RIMS1: variants seen among roughly 807,000 people sequenced by gnomAD.
The protein encoded by RIMS1 is regulating synaptic membrane exocytosis 1, also known as regulating synaptic membrane exocytosis protein 1.
Under a neutral mutation model 214.1 loss-of-function variants are expected in RIMS1, and 83 were observed. That is an observed-to-expected ratio of 0.39 (90% confidence interval 0.32 to 0.47). RIMS1 has a LOEUF of 0.47. Among genes scored for constraint, RIMS1 ranks in the 20% least tolerant of loss-of-function variants. The pLI is 0.99. For synonymous variants in RIMS1, 793 were observed against 786.8 expected, an observed-to-expected ratio of 1.01 and a Z score of -0.13; for missense variants, 2,050 against 2,161.8, an observed-to-expected ratio of 0.95 and a Z score of 1.03.
intron 1 of RIMS1, among the ~76,000 whole-genome samples, chr6:71,891,345 A>T (rs564367483): frequency 6.6e-6 from 1 of 152,222 alleles, no homozygotes; most frequent in Non-Finnish European, 1.5e-5. Flanking sequence ...TGATTTATAA[A>T]GAGTATTGAC....
intron 4 of RIMS1, among the ~76,000 whole-genome samples, chr6:72,165,295 G>C (rs1260380935): frequency 6.6e-6 from 1 of 152,098 alleles, no homozygotes; most frequent in Admixed American, 6.5e-5. Context: ...TTAATGTTTA[G>C]TTTTAGTTCT....
At position 72,391,064 on chromosome 6, in the gene RIMS1, A is replaced by G. The variant is rs534949701; in HGVS notation, c.4505+328A>G. Among the ~76,000 whole-genome samples the G allele has an allele frequency of 2.6e-5, 4 of 152,332 alleles. No homozygotes were observed. In the East Asian group the frequency reaches 7.7e-4, roughly 29 times the overall value. ...ATGGACTCTTTCATATGGGAAACTC[A>G]TAGTCTGTCCCTGTCACCAAAGTCC... On this transcript the variant is annotated intron_variant, in intron 30 of 33. Coordinates refer to ENST00000521978, the MANE Select transcript of RIMS1 (RefSeq NM_014989.7).
At chr6:72,326,520 CTTGT>C (rs1472242096) in intron 28 of RIMS1, among the ~76,000 whole-genome samples, 3 of 151,592 alleles carry the variant, frequency 2.0e-5, no homozygotes, top group Non-Finnish European at 4.4e-5. Context: ...AAATTGGTTT[CTTGT>C]TTGTCTGTTA....
intron 2 of RIMS1, among the ~76,000 whole-genome samples, chr6:72,064,565 A>C (rs1476079030): frequency 1.3e-5 from 2 of 152,224 alleles, no homozygotes; most frequent in Non-Finnish European, 1.5e-5. Flanking sequence ...GAAGCTGTGA[A>C]TGCAATGCTG....
In RIMS1 at chr6:71,957,789, A is replaced by G. The variant is rs1329612599; in HGVS notation, c.165-11194A>G. Among the ~76,000 whole-genome samples the G allele has an allele frequency of 9.3e-5, 14 of 150,642 alleles. 1 individual carries two copies. Among genetic ancestry groups the G allele is most frequent in the Middle Eastern group, 3.2e-3 (1 of 316 alleles). On this transcript the variant is annotated intron_variant, in intron 1 of 33. Transcript: ENST00000521978. ...AGCCGATAAAATAAATATATTTTAA[A>G]TGACATTTTAGGAGAAAAAGAGTCA...
intron 1 of RIMS1, among the ~76,000 whole-genome samples, chr6:71,893,374 T>C (rs757130712): frequency 3.3e-5 from 5 of 152,018 alleles, no homozygotes; most frequent in Non-Finnish European, 7.4e-5. Flanking sequence ...CAAAAAGCAA[T>C]GTGGGCAAAG....
intron 6 of RIMS1, among the ~76,000 whole-genome samples, chr6:72,203,849 G>T (rs1252736193): frequency 1.3e-5 from 2 of 152,098 alleles, no homozygotes; most frequent in Non-Finnish European, 2.9e-5. Context: ...ATGGGTTGGG[G>T]CCTGAGTATT....
intron 29 of RIMS1, among the ~76,000 whole-genome samples, chr6:72,354,398 G>T (rs1399255233): frequency 6.6e-6 from 1 of 151,666 alleles, no homozygotes; most frequent in Non-Finnish European, 1.5e-5. Flanking sequence ...TTTAATTTTT[G>T]TATGTACATA....
intron 29 of RIMS1, among the ~76,000 whole-genome samples, chr6:72,334,655 G>C (rs368701080): frequency 2.0e-5 from 3 of 151,820 alleles, no homozygotes; most frequent in Non-Finnish European, 1.5e-5. Flanking sequence ...ACCAACATTG[G>C]TTCCATTTTC....
chr6:72,057,498 C>CTTTTTTTT lies in RIMS1; in HGVS notation c.246-39439_246-39432dup, dbSNP rs56115719. 1.7e-3 allele frequency among the ~76,000 whole-genome samples: 214 copies of CTTTTTTTT among 126,198 alleles called. 1 individual carries two copies. The highest frequency in any genetic ancestry group is 2.3e-3 in the East Asian group (10 of 4,256). 82.8% of individuals were successfully genotyped at this position (126,198 alleles called of 152,430 possible). ...GTCCAAATCAGTACACCTTCTTTTT[C>CTTTTTTTT]TTTTTTTTTTTTTTTTTTTCTTTTT... is the stretch of plus-strand genomic sequence containing the variant. On this transcript the variant is annotated intron_variant, in intron 2 of 33. Transcript: ENST00000521978.
At position 72,402,786 on chromosome 6, in the gene RIMS1, TAA is replaced by T. The variant is rs1233624165; in HGVS notation, c.*2075_*2076del. 2 of 152,674 alleles carry T rather than the reference TAA, an allele frequency of 1.3e-5. No homozygotes were observed. The highest frequency in any genetic ancestry group is 1.3e-4 in the Admixed American group (2 of 15,280). The allele number at this position is 152,674 out of a possible 1,614,324, so 9.5% of individuals were successfully genotyped here. ...AATTCATGTATGTAAACATGTTTAATAAAATTTACTTTTCATGTCAGTCAGTA... is the reference window on the plus strand; with the variant it reads ...AATTCATGTATGTAAACATGTTTAATAATTTACTTTTCATGTCAGTCAGTA... On this transcript the variant is annotated 3_prime_UTR_variant, in exon 34 of 34. Transcript: ENST00000521978.
At chr6:71,992,408 T>TC (rs1562050149) in intron 2 of RIMS1, among the ~76,000 whole-genome samples, 1 of 45,304 alleles carries the variant, frequency 2.2e-5, no homozygotes, top group Non-Finnish European at 3.9e-5. Context: ...CTCTCTCTCT[T>TC]TCTTTCTTTC....
chr6:72,259,004 T>A lies in RIMS1; in HGVS notation c.2946T>A (p.His982Gln). Residue 982 changes from histidine (H) to glutamine (Q), a missense_variant, in exon 18 of 34, where the codon CAT becomes CAA. Around this residue, in one of 6 missense-constraint regions of RIMS1, gnomAD observed 889 missense variants for 885.5 expected, o/e 1.00. Coordinates refer to ENST00000521978, the MANE Select transcript of RIMS1 (RefSeq NM_014989.7). ...VPLQRSLDEI[H>Q]PTRRSRSPTR... ...ATTTTAGGAGTTTAGATGAAATTCA[T>A]CCAACAAGAAGGTCACGTTCTCCAA... 1 of 1,612,872 alleles carries A rather than the reference T, an allele frequency of 6.2e-7. No individual in the cohort carries two copies. The highest frequency in any genetic ancestry group is 1.1e-5 in the South Asian group (1 of 91,066).
At chr6:71,977,524 A>G (rs1209329279) in intron 2 of RIMS1, among the ~76,000 whole-genome samples, 1 of 152,158 alleles carries the variant, frequency 6.6e-6, no homozygotes, top group East Asian at 1.9e-4. Flanking sequence ...ACAACAAACA[A>G]AAATAGATGA....
chr6:72,233,694 G>T, intron 6 of RIMS1, 79 bp from the exon 7 acceptor site: 1 of 1,026,722 alleles, frequency 9.7e-7, no homozygotes, highest in Non-Finnish European at 1.5e-6. Context: ...ACTCTTTATA[G>T]ATCGAAGAAG....
chr6:72,188,612 C>T (rs940845736), intron 6 of RIMS1, among the ~76,000 whole-genome samples: 2 of 150,518 alleles, frequency 1.3e-5, no homozygotes, highest in African/African-American at 4.8e-5. Flanking sequence ...GAATTGATGA[C>T]TACCTTCTAC....
chr6:72,226,663 A>C (rs183860106), intron 6 of RIMS1, among the ~76,000 whole-genome samples: 2 of 152,070 alleles, frequency 1.3e-5, no homozygotes, highest in African/African-American at 4.8e-5. Flanking sequence ...GTATAATACA[A>C]GCTGTCTTCA....
intron 6 of RIMS1, chr6:72,217,018 C>T (rs1409849198): frequency 7.0e-7 from 1 of 1,428,622 alleles, no homozygotes; most frequent in Non-Finnish European, 9.1e-7. Flanking sequence ...ATGTTGGACA[C>T]TGCAGGCTTT....
At chr6:72,318,896 A>C (rs967234963) in intron 28 of RIMS1, among the ~76,000 whole-genome samples, 3 of 152,188 alleles carry the variant, frequency 2.0e-5, no homozygotes, top group African/African-American at 7.2e-5. Context: ...GTATTTTAAC[A>C]GGCATTTGTT....
Sources: allele counts gnomAD v4.1 joint callset (sites outside exome capture counted in the v4.1 genomes callset), GRCh38; gene constraint gnomAD v4.1.1; regional missense constraint gnomAD v4.1.1; transcripts MANE v1.5; gene names NCBI Gene and HGNC (gene_info 2026-07-23, HGNC 2026-07-21).